Variants in PPM1L observed in about 807,000 individuals in gnomAD.
The protein encoded by PPM1L is protein phosphatase, Mg2+/Mn2+ dependent 1L.
Under a neutral mutation model 31.4 loss-of-function variants are expected in PPM1L, and 13 were observed. The observed-to-expected ratio is 0.41, with a 90% CI of 0.27 to 0.66. PPM1L has a LOEUF of 0.66. PPM1L is among the 30% of genes least tolerant of loss of function. The pLI is 0.29. For synonymous variants in PPM1L, 184 were observed against 175.4 expected, an observed-to-expected ratio of 1.05 and a Z score of -0.39; for missense variants, 326 against 453.7, an observed-to-expected ratio of 0.72 and a Z score of 2.56.
At chr3:160,921,441 A>C (rs2108071964) in intron 1 of PPM1L, among the ~76,000 whole-genome samples, 1 of 152,314 alleles carries the variant, frequency 6.6e-6, no homozygotes, top group Non-Finnish European at 1.5e-5. Flanking sequence ...TTCAGCTTCC[A>C]ACTCTAGTTT....
At chr3:160,987,791 G>A (rs771111960) in intron 2 of PPM1L, among the ~76,000 whole-genome samples, 4 of 152,174 alleles carry the variant, frequency 2.6e-5, no homozygotes, top group Non-Finnish European at 4.4e-5. Context: ...GGCAGTTATT[G>A]TCATTTCTGA....
intron 1 of PPM1L, among the ~76,000 whole-genome samples, chr3:160,768,115 A>G (rs1715159484): frequency 6.6e-5 from 10 of 152,216 alleles, no homozygotes; most frequent in Admixed American, 6.5e-4. Flanking sequence ...GTTTGAGATT[A>G]AGAAGTTTTT....
intron 1 of PPM1L, among the ~76,000 whole-genome samples, chr3:160,834,595 C>T (rs1713640283): frequency 6.6e-6 from 1 of 151,860 alleles, no homozygotes; most frequent in Non-Finnish European, 1.5e-5. Flanking sequence ...CTGGAATCCA[C>T]TAATCTTTTC....
chr3:160,891,549 G>A (rs1249626585), intron 1 of PPM1L, among the ~76,000 whole-genome samples: 1 of 152,164 alleles, frequency 6.6e-6, no homozygotes, highest in Non-Finnish European at 1.5e-5. Flanking sequence ...ACTGTTGGTG[G>A]GAGGGTAAAT....
In PPM1L at chr3:161,076,417, C is replaced by G; in HGVS notation, c.*7260C>G. 1 of 152,154 alleles carries G rather than the reference C, an allele frequency of 6.6e-6. No individual in the cohort carries two copies. The highest frequency in any genetic ancestry group is 1.9e-4 in the East Asian group (1 of 5,196). 9.4% of individuals were successfully genotyped at this position (152,154 alleles called of 1,614,324 possible). ...TTTATCATCTTGGTTATTGTTTTATCTCAAGCATATACAGTGTGCAGAAAG... is the reference window on the plus strand; with the variant it reads ...TTTATCATCTTGGTTATTGTTTTATGTCAAGCATATACAGTGTGCAGAAAG... On this transcript the variant is annotated 3_prime_UTR_variant, in exon 4 of 4. Coordinates refer to ENST00000498165, the MANE Select transcript of PPM1L (RefSeq NM_139245.4).
chr3:160,827,921 C>T (rs1255147748), intron 1 of PPM1L, among the ~76,000 whole-genome samples: 4 of 151,960 alleles, frequency 2.6e-5, no homozygotes, highest in Admixed American at 1.3e-4. Flanking sequence ...GAAGGTGAGG[C>T]GGGAGCAGGC....
At chr3:161,037,213 G>A (rs527898514) in intron 2 of PPM1L, among the ~76,000 whole-genome samples, 143 of 152,102 alleles carry the variant, frequency 9.4e-4, no homozygotes, top group Non-Finnish European at 1.6e-3. Flanking sequence ...CTGAGACTGG[G>A]TTATATAAAG....
chr3:160,772,493 T>C (rs1352462704), intron 1 of PPM1L, among the ~76,000 whole-genome samples: 1 of 152,246 alleles, frequency 6.6e-6, no homozygotes, highest in Non-Finnish European at 1.5e-5. Context: ...GAAGGTCATC[T>C]AATACATACT....
intron 1 of PPM1L, among the ~76,000 whole-genome samples, chr3:160,961,078 C>G (rs1299882776): frequency 6.6e-6 from 1 of 152,090 alleles, no homozygotes; most frequent in Non-Finnish European, 1.5e-5. Context: ...CAACAACAAA[C>G]TTGTCAAAGT....
intron 1 of PPM1L, among the ~76,000 whole-genome samples, chr3:160,780,504 A>G (rs755400670): frequency 1.3e-5 from 2 of 152,220 alleles, no homozygotes; most frequent in Non-Finnish European, 2.9e-5. Context: ...CTTCTGTGGA[A>G]TTATAAAAGG....
chr3:160,829,249 C>A (rs533548397), intron 1 of PPM1L, among the ~76,000 whole-genome samples: 46 of 151,054 alleles, frequency 3.0e-4, no homozygotes, highest in African/African-American at 1.1e-3. Flanking sequence ...AAAAAAAAAA[C>A]CTAGCCTTTT....
At chr3:160,942,390 C>T (rs997910788) in intron 1 of PPM1L, among the ~76,000 whole-genome samples, 2 of 152,116 alleles carry the variant, frequency 1.3e-5, no homozygotes, top group African/African-American at 4.8e-5. Context: ...CCATCACACC[C>T]AGCCTTAATT....
At chr3:160,917,148 C>T (rs368151507) in intron 1 of PPM1L, among the ~76,000 whole-genome samples, 1 of 152,064 alleles carries the variant, frequency 6.6e-6, no homozygotes, top group East Asian at 1.9e-4. Flanking sequence ...TATCATCTGC[C>T]CTTATTGACT....
intron 1 of PPM1L, among the ~76,000 whole-genome samples, chr3:160,914,219 TG>T (rs372173029): frequency 5.8e-4 from 89 of 152,326 alleles, no homozygotes; most frequent in Middle Eastern, 3.4e-3. Flanking sequence ...CATGTATTTT[TG>T]TGAAGCATCT....
intron 1 of PPM1L, among the ~76,000 whole-genome samples, chr3:160,875,352 A>G (rs1486698563): frequency 1.3e-5 from 2 of 152,234 alleles, no homozygotes; most frequent in African/African-American, 2.4e-5. Flanking sequence ...GCTATCTTCC[A>G]TATCAAGATG....
intron 2 of PPM1L, among the ~76,000 whole-genome samples, chr3:161,003,241 GC>G (rs1717569392): frequency 1.3e-5 from 2 of 150,272 alleles, no homozygotes; most frequent in African/African-American, 4.9e-5. Context: ...GGTTACTGTA[GC>G]CTTGTAGTAT....
At chr3:160,757,326 C>T (rs1714837339) in intron 1 of PPM1L, among the ~76,000 whole-genome samples, 1 of 152,262 alleles carries the variant, frequency 6.6e-6, no homozygotes, top group African/African-American at 2.4e-5. Flanking sequence ...CTTGTTTTCA[C>T]TAGGATCTCA....
chr3:160,817,454 T>C (rs1404149190), intron 1 of PPM1L, among the ~76,000 whole-genome samples: 1 of 152,100 alleles, frequency 6.6e-6, no homozygotes. Context: ...CAAAAATGGC[T>C]AAAGATAATT....
At chr3:161,049,531 C>T (rs1719201205) in intron 2 of PPM1L, among the ~76,000 whole-genome samples, 1 of 152,142 alleles carries the variant, frequency 6.6e-6, no homozygotes, top group African/African-American at 2.4e-5. Flanking sequence ...TTTTAAAAGC[C>T]TGATTTAGGG....
Sources: gnomAD v4.1 joint callset for allele counts (sites outside exome capture counted in the v4.1 genomes callset) on GRCh38, gnomAD v4.1.1 for gene constraint, MANE v1.5 for transcripts, NCBI Gene and HGNC (gene_info 2026-07-23, HGNC 2026-07-21) for gene names.